The following SCARA5 variants were observed in gnomAD, a reference collection of about 807,000 sequenced individuals.
SCARA5 encodes the protein scavenger receptor class A, member 5 (putative).
SCARA5 carries 45 observed loss-of-function variants against 46.3 expected under a neutral mutation model. That is an observed-to-expected ratio of 0.97 (90% confidence interval 0.76 to 1.24). SCARA5 has a LOEUF of 1.24. SCARA5 is among the 50% of genes most tolerant of loss of function. The pLI, the probability that SCARA5 is intolerant of heterozygous loss-of-function variation, is 0.00. For missense variants in SCARA5, 680 were observed against 689.0 expected, an observed-to-expected ratio of 0.99 and a Z score of 0.15; for synonymous variants, 333 against 306.5, an observed-to-expected ratio of 1.09 and a Z score of -0.90.
At chr8:27,978,601 G>T (rs552059627) in intron 2 of SCARA5, among the ~76,000 whole-genome samples, 18 of 151,430 alleles carry the variant, frequency 1.2e-4, no homozygotes, top group African/African-American at 4.1e-4. Context: ...AGCCTTGACC[G>T]CCTGGTCAAG....
chr8:27,892,215 G>A (rs913724860), intron 7 of SCARA5, among the ~76,000 whole-genome samples: 1 of 152,226 alleles, frequency 6.6e-6, no homozygotes, highest in Non-Finnish European at 1.5e-5. Flanking sequence ...GAAAAGCTGA[G>A]CCAAAGGGCA....
At chr8:27,907,608 T>C (rs1337672822) in intron 5 of SCARA5, among the ~76,000 whole-genome samples, 1 of 142,862 alleles carries the variant, frequency 7.0e-6, no homozygotes, top group Non-Finnish European at 1.5e-5. Flanking sequence ...AAAGTCTCGC[T>C]CTGTCACCCA....
intron 2 of SCARA5, among the ~76,000 whole-genome samples, chr8:27,981,505 T>C (rs2129973930): frequency 6.6e-6 from 1 of 152,274 alleles, no homozygotes; most frequent in Non-Finnish European, 1.5e-5. Flanking sequence ...CTTCCCTGTC[T>C]CCCCTCACCC....
At chr8:27,976,725 G>A (rs947795759) in intron 2 of SCARA5, among the ~76,000 whole-genome samples, 10 of 152,290 alleles carry the variant, frequency 6.6e-5, no homozygotes, top group Admixed American at 3.3e-4. Flanking sequence ...TGAGTCATCC[G>A]TGTCCCTGAA....
chr8:27,955,213 G>C (rs186690887), intron 3 of SCARA5, among the ~76,000 whole-genome samples: 1 of 152,154 alleles, frequency 6.6e-6, no homozygotes, highest in Admixed American at 6.5e-5. Context: ...AGCTCAGATT[G>C]GGACTCTTAC....
At chr8:27,907,998 G>A (rs913526086) in intron 5 of SCARA5, among the ~76,000 whole-genome samples, 3 of 152,134 alleles carry the variant, frequency 2.0e-5, no homozygotes, top group Non-Finnish European at 2.9e-5. Flanking sequence ...TTAGACAAAT[G>A]AGCCAATCGG....
At chr8:27,899,892 C>G (rs766936915) in intron 7 of SCARA5, among the ~76,000 whole-genome samples, 4 of 152,184 alleles carry the variant, frequency 2.6e-5, no homozygotes, top group African/African-American at 7.2e-5. Context: ...AATCCCAGTA[C>G]TTTGAGAGGC....
Position 27,901,309 on chromosome 8 carries a change from T to C in SCARA5, c.1153+3469A>G, listed in dbSNP as rs1032314351. On this transcript the variant is annotated intron_variant, in intron 7 of 8. Coordinates refer to ENST00000354914, the MANE Select transcript of SCARA5 (RefSeq NM_173833.6). ...TAACGGCACGGGCTTCAGAGGTGTT[T>C]GGGAAGGTTGAAAGGCCTCGGGGTT... Among the ~76,000 whole-genome samples the C allele has an allele frequency of 2.0e-5, 3 of 152,134 alleles. No individual in the cohort carries two copies. In the East Asian group the frequency reaches 5.8e-4, roughly 29 times the overall value.
At chr8:27,959,770 T>C (rs1276281605) in intron 3 of SCARA5, among the ~76,000 whole-genome samples, 7 of 152,204 alleles carry the variant, frequency 4.6e-5, no homozygotes, top group Admixed American at 4.6e-4. Flanking sequence ...AGTTGTTTTT[T>C]GGGAAAAGCA....
chr8:27,877,230 T>G (rs1424327661), intron 8 of SCARA5, among the ~76,000 whole-genome samples: 2 of 152,188 alleles, frequency 1.3e-5, no homozygotes, highest in African/African-American at 2.4e-5. Context: ...ATACTGCTAG[T>G]GACACCTGGC....
chr8:27,923,214 G>T (rs1190826192), intron 3 of SCARA5, among the ~76,000 whole-genome samples: 1 of 152,178 alleles, frequency 6.6e-6, no homozygotes. Context: ...AGAGCACCCC[G>T]GCAGCAGACT....
chr8:27,978,020 TTTTG>T (rs1461817384), intron 2 of SCARA5, among the ~76,000 whole-genome samples: 6 of 138,614 alleles, frequency 4.3e-5, no homozygotes, highest in African/African-American at 1.4e-4. Flanking sequence ...TTCTTGTGTC[TTTTG>T]TTTTTTTTTT....
chr8:27,952,775 C>T (rs904424451), intron 3 of SCARA5, among the ~76,000 whole-genome samples: 5 of 152,166 alleles, frequency 3.3e-5, no homozygotes, highest in African/African-American at 9.7e-5. Flanking sequence ...TTTATTGTAG[C>T]GAAACACTGT....
rs115645565 is a variant in SCARA5, at chr8:27,984,035, C to A, written c.112+3469G>T. On this transcript the variant is annotated intron_variant, in intron 2 of 8. Coordinates refer to ENST00000354914, the MANE Select transcript of SCARA5 (RefSeq NM_173833.6). ...CATTTACTAAATAAAGGCTCAAGGGCGGCCCTGACCGGATTCAGGGTGCTG... is the reference window on the plus strand; with the variant it reads ...CATTTACTAAATAAAGGCTCAAGGGAGGCCCTGACCGGATTCAGGGTGCTG... 1.7e-3 allele frequency among the ~76,000 whole-genome samples: 253 copies of A among 152,236 alleles called. 1 individual carries two copies. The highest frequency in any genetic ancestry group is 6.0e-3 in the African/African-American group (248 of 41,536).
At chr8:27,922,322 G>C in intron 3 of SCARA5, 77 bp from the exon 4 acceptor site, 1 of 1,052,456 alleles carries the variant, frequency 9.5e-7, no homozygotes, top group Non-Finnish European at 1.3e-6. Context: ...AACCCAGTCA[G>C]AGCCTGGCAT....
At chr8:27,948,593 G>A (rs1442988108) in intron 3 of SCARA5, among the ~76,000 whole-genome samples, 1 of 152,226 alleles carries the variant, frequency 6.6e-6, no homozygotes, top group Admixed American at 6.5e-5. Flanking sequence ...TGAGCAGCTA[G>A]GGGCCTGGAG....
chr8:27,944,254 C>T (rs748912929), intron 3 of SCARA5, among the ~76,000 whole-genome samples: 15 of 152,098 alleles, frequency 9.9e-5, no homozygotes, highest in Non-Finnish European at 2.1e-4. Context: ...ATTCTTGGAG[C>T]AACGGAAGAA....
intron 3 of SCARA5, among the ~76,000 whole-genome samples, chr8:27,962,540 G>A (rs1415430638): frequency 1.3e-5 from 2 of 152,318 alleles, no homozygotes; most frequent in Non-Finnish European, 2.9e-5. Flanking sequence ...CCCAAGATGC[G>A]TGATAGAATC....
chr8:27,950,535 T>C (rs1366199391), intron 3 of SCARA5, among the ~76,000 whole-genome samples: 1 of 152,090 alleles, frequency 6.6e-6, no homozygotes, highest in Non-Finnish European at 1.5e-5. Flanking sequence ...CCAAAGGACC[T>C]GGAAGAAAGC....
Sources: gnomAD v4.1 joint callset for allele counts (sites outside exome capture counted in the v4.1 genomes callset) on GRCh38, gnomAD v4.1.1 for gene constraint, MANE v1.5 for transcripts, NCBI Gene and HGNC (gene_info 2026-07-23, HGNC 2026-07-21) for gene names.